The following ZFHX3 variants were observed in gnomAD, a reference collection of about 807,000 sequenced individuals.
ZFHX3 encodes the protein zinc finger homeobox 3.
In ZFHX3, 42 loss-of-function variants were observed where a neutral mutation model predicts 279.1. That is an observed-to-expected ratio of 0.15 (90% CI 0.12 to 0.19). ZFHX3 has a LOEUF of 0.19. ZFHX3 is among the 10% of genes least tolerant of loss of function. The probability of loss-of-function intolerance (pLI) is 1.00; values close to 1 mark genes in which losing one functional copy is unlikely to be tolerated. For synonymous variants in ZFHX3, 2,293 were observed against 1,957.8 expected (o/e 1.17, Z -4.52); for missense variants, 4,981 against 4,754.0 (o/e 1.05, Z -1.40).
chr16:73,791,989 A>T (rs896201465), intron 1 of ZFHX3, among the ~76,000 whole-genome samples: 1 of 152,180 alleles, frequency 6.6e-6, no homozygotes, highest in African/African-American at 2.4e-5. Flanking sequence ...ACTTTGTCTA[A>T]TGCCTGGTGA....
At position 72,798,291 on chromosome 16, in the gene ZFHX3, T is replaced by A; in HGVS notation, c.4391A>T (p.Tyr1464Phe). The A allele has an allele frequency of 6.2e-7, 1 of 1,614,178 alleles. No individual in the cohort carries two copies. Among genetic ancestry groups the A allele is most frequent in the Non-Finnish European group, 8.5e-7 (1 of 1,180,034 alleles). Residue 1464 changes from tyrosine (Y) to phenylalanine (F), a missense_variant, in exon 9 of 10, where the codon TAT (tyrosine) becomes TTT (phenylalanine). Tyr to Phe is a conservative substitution (Grantham distance 22). This residue lies in a region of ZFHX3 where 1,751 missense variants were observed against 1,770.0 expected (regional missense o/e 0.99). Coordinates refer to ENST00000268489, the MANE Select transcript of ZFHX3 (RefSeq NM_006885.4). ...GTCCCCATTGGCCAGCAGGCCACCA[T>A]AAAGCTGTTGGATGTCAGCCTCACT... ...ELSEADIQQL[Y>F]GGLLANGDLL...
At chr16:73,418,963 G>A (rs544080477) in intron 3 of ZFHX3, among the ~76,000 whole-genome samples, 12 of 152,262 alleles carry the variant, frequency 7.9e-5, no homozygotes, top group South Asian at 4.1e-4. Flanking sequence ...CTGAAATCTC[G>A]TGGAAGATTA....
chr16:73,240,021 T>G lies in ZFHX3; in HGVS notation c.-1104+17026A>C, dbSNP rs568832582. 5.1e-3 allele frequency among the ~76,000 whole-genome samples: 743 copies of G among 147,076 alleles called. 8 individuals are homozygous for G. The East Asian group carries it at 0.064, about 13-fold the overall frequency. The stretch of plus-strand genomic sequence containing the variant: ...CTGTTGAAGATTTAAGAACCTTATT[T>G]TGTGTGTGTGTGTGTGTGTGTGTGT... On this transcript the variant is annotated intron_variant, in intron 5 of 17. Transcript: ENST00000641206.
At chr16:72,903,438 G>A (rs1204337454) in intron 3 of ZFHX3, among the ~76,000 whole-genome samples, 3 of 152,184 alleles carry the variant, frequency 2.0e-5, no homozygotes, top group Non-Finnish European at 4.4e-5. Context: ...GTCTTACAGT[G>A]GGGGTTAGAC....
intron 1 of ZFHX3, among the ~76,000 whole-genome samples, chr16:73,691,071 C>G (rs908078377): frequency 1.3e-5 from 2 of 152,342 alleles, no homozygotes; most frequent in East Asian, 1.9e-4. Context: ...AAACATTTCT[C>G]TCTAGCTCAT....
chr16:72,880,589 C>CG (rs2038438776), intron 4 of ZFHX3, among the ~76,000 whole-genome samples: 1 of 152,038 alleles, frequency 6.6e-6, no homozygotes, highest in Non-Finnish European at 1.5e-5. Context: ...CCAATGGAAA[C>CG]GGGGGGTGAA....
intron 6 of ZFHX3, among the ~76,000 whole-genome samples, chr16:73,132,782 C>G (rs1339305767): frequency 6.6e-6 from 1 of 152,196 alleles, no homozygotes; most frequent in Non-Finnish European, 1.5e-5. Context: ...GTCACAGCCT[C>G]AGTTCAGGTT....
intron 2 of ZFHX3, among the ~76,000 whole-genome samples, chr16:73,482,091 C>G (rs1284550071): frequency 6.6e-6 from 1 of 152,086 alleles, no homozygotes. Flanking sequence ...GCTGTGAGAG[C>G]CACTCAGCGC....
Position 72,958,659 on chromosome 16 carries a change from G to A in ZFHX3, c.1487C>T (p.Pro496Leu). 1 of 1,613,770 alleles carries A rather than the reference G, an allele frequency of 6.2e-7. No homozygotes were observed. The highest frequency in any genetic ancestry group is 8.5e-7 in the Non-Finnish European group (1 of 1,179,924). Residue 496 changes from proline (P) to leucine (L), a missense_variant, in exon 2 of 10, where the codon CCA (proline) becomes CTA (leucine). Physicochemically the swap from Pro to Leu is moderately conservative, Grantham distance 98. Around this residue, in one of 7 missense-constraint regions of ZFHX3, gnomAD observed 1,068 missense variants for 935.2 expected, o/e 1.14. Coordinates refer to ENST00000268489, the MANE Select transcript of ZFHX3 (RefSeq NM_006885.4). ...CTCCAGTTCCTCATCCAACTCGCTT[G>A]GAAAGAGTCCTTTGCAACCCTCGTC... ...EEDEGCKGLF[P>L]SELDEELEDR...
chr16:72,894,894 T>A (rs2038860200), intron 3 of ZFHX3, among the ~76,000 whole-genome samples: 1 of 152,124 alleles, frequency 6.6e-6, no homozygotes, highest in East Asian at 1.9e-4. Context: ...CCGGGTTCTG[T>A]TTTTACTTTT....
At chr16:72,960,720 A>G (rs1961538258) in intron 1 of ZFHX3, among the ~76,000 whole-genome samples, 1 of 152,182 alleles carries the variant, frequency 6.6e-6, no homozygotes, top group East Asian at 1.9e-4. Context: ...GATAACGCTC[A>G]TGGATTTAGA....
rs1961438938 is a variant in ZFHX3 at position 72,959,277 on chromosome 16, G to A, written c.869C>T (p.Ser290Phe). 1.2e-6 allele frequency: 2 copies of A among 1,614,198 alleles called. No individual in the cohort carries two copies. Among genetic ancestry groups the A allele is most frequent in the Non-Finnish European group, 1.7e-6 (2 of 1,180,032 alleles). Residue 290 changes from serine to phenylalanine, a missense_variant, in exon 2 of 10, where the codon TCC becomes TTC. Around this residue, in one of 7 missense-constraint regions of ZFHX3, gnomAD observed 1,068 missense variants for 935.2 expected, o/e 1.14. Coordinates refer to ENST00000268489, the MANE Select transcript of ZFHX3 (RefSeq NM_006885.4). ...PILMCFLCKLSFGYVRSFVTH... is the reference protein window; with the variant it reads ...PILMCFLCKLFFGYVRSFVTH... ...CACAAACGAACGGACGTACCCAAAGGAGAGTTTGCACAAGAAACACATCAG... is the reference window on the plus strand; with the variant it reads ...CACAAACGAACGGACGTACCCAAAGAAGAGTTTGCACAAGAAACACATCAG...
intron 8 of ZFHX3, among the ~76,000 whole-genome samples, chr16:73,082,491 G>A (rs186349437): frequency 2.0e-5 from 3 of 151,794 alleles, no homozygotes; most frequent in African/African-American, 2.4e-5. Context: ...GGATGGTCTC[G>A]ATCTCCTGAC....
At chr16:73,608,709 T>G (rs2052216148) in intron 2 of ZFHX3, 2 of 152,206 alleles carry the variant, frequency 1.3e-5, no homozygotes, top group Non-Finnish European at 2.9e-5. Context: ...CGCCAATAGA[T>G]TCAGGCTGTA....
chr16:73,483,550 C>A (rs1183556099), intron 2 of ZFHX3: 12 of 350,344 alleles, frequency 3.4e-5, no homozygotes, highest in Non-Finnish European at 5.0e-5. Context: ...CTTGTCTCTG[C>A]AAATCCGTCA....
intron 5 of ZFHX3, among the ~76,000 whole-genome samples, chr16:73,253,406 A>G (rs1239656134): frequency 6.6e-6 from 1 of 152,146 alleles, no homozygotes. Context: ...CTTGGAGAAC[A>G]CACAAATGGT....
intron 8 of ZFHX3, among the ~76,000 whole-genome samples, chr16:73,087,732 T>C (rs1182034472): frequency 6.6e-6 from 1 of 152,188 alleles, no homozygotes; most frequent in Non-Finnish European, 1.5e-5. Flanking sequence ...CAAAGTCTAA[T>C]ACATTTTGAG....
chr16:73,502,208 C>T (rs931303822), intron 2 of ZFHX3, among the ~76,000 whole-genome samples: 6 of 152,208 alleles, frequency 3.9e-5, no homozygotes, highest in South Asian at 4.1e-4. Context: ...TTTGGAAATG[C>T]ATACTTTTTT....
intron 1 of ZFHX3, among the ~76,000 whole-genome samples, chr16:73,798,903 T>C (rs1960071292): frequency 6.6e-6 from 1 of 152,208 alleles, no homozygotes; most frequent in South Asian, 2.1e-4. Context: ...TCTGAATCAT[T>C]ATACAAATTC....
Sources: allele counts gnomAD v4.1 joint callset (sites outside exome capture counted in the v4.1 genomes callset), GRCh38; gene constraint gnomAD v4.1.1; regional missense constraint gnomAD v4.1.1; transcripts MANE v1.5; gene names NCBI Gene and HGNC (gene_info 2026-07-23, HGNC 2026-07-21).